Variants in RALYL observed in about 807,000 individuals in gnomAD.
RALYL encodes the protein RNA-binding Raly-like protein.
In RALYL, 29 loss-of-function variants were observed where a neutral mutation model predicts 35.1. The ratio of observed to expected loss-of-function variants is 0.83; its 90% CI spans 0.61 to 1.13. RALYL has a LOEUF of 1.13. RALYL is among the 50% of genes most tolerant of loss of function. The pLI is 0.00. For missense variants in RALYL, 359 were observed against 360.4 expected (o/e 1.00, Z 0.03); for synonymous variants, 120 against 127.6 (o/e 0.94, Z 0.40).
At chr8:84,645,719 T>C (rs1022800203) in intron 2 of RALYL, among the ~76,000 whole-genome samples, 1 of 152,114 alleles carries the variant, frequency 6.6e-6, no homozygotes, top group Non-Finnish European at 1.5e-5. Flanking sequence ...AAAGGACACA[T>C]AAGTGTGTGT....
chr8:84,364,884 A>C (rs184022452), intron 1 of RALYL, among the ~76,000 whole-genome samples: 1 of 152,304 alleles, frequency 6.6e-6, no homozygotes, highest in African/African-American at 2.4e-5. Context: ...GATTTAGAAA[A>C]GTTTACCTTC....
chr8:84,366,809 G>A (rs1029698379), intron 1 of RALYL, among the ~76,000 whole-genome samples: 15 of 134,606 alleles, frequency 1.1e-4, no homozygotes, highest in Non-Finnish European at 2.2e-4. Flanking sequence ...CTGGGAGTTT[G>A]TCAGTCTGCA....
intron 1 of RALYL, among the ~76,000 whole-genome samples, chr8:84,200,127 G>T (rs140209717): frequency 6.6e-6 from 1 of 151,984 alleles, no homozygotes; most frequent in East Asian, 1.9e-4. Flanking sequence ...GCTTTTACTC[G>T]TTTGAGCTTC....
intron 1 of RALYL, among the ~76,000 whole-genome samples, chr8:84,223,871 A>C (rs1305418977): frequency 6.6e-6 from 1 of 152,206 alleles, no homozygotes; most frequent in Non-Finnish European, 1.5e-5. Flanking sequence ...GAGTGTTATG[A>C]ATTAAATTAT....
At chr8:84,489,894 T>C (rs2134016179) in intron 1 of RALYL, among the ~76,000 whole-genome samples, 1 of 152,154 alleles carries the variant, frequency 6.6e-6, no homozygotes, top group East Asian at 1.9e-4. Flanking sequence ...CATATTTTTG[T>C]TTTAAAGTGT....
chr8:84,596,295 C>T (rs1039730563), intron 2 of RALYL, among the ~76,000 whole-genome samples: 4 of 152,000 alleles, frequency 2.6e-5, no homozygotes, highest in Admixed American at 6.6e-5. Flanking sequence ...TCAGTTGGTC[C>T]ATATTTTAGC....
At chr8:84,367,318 ATTTTTTTTTTTTTTTTTTTTTTT>A (rs56387511) in intron 1 of RALYL, among the ~76,000 whole-genome samples, 9,348 of 27,398 alleles carry the variant, frequency 0.34, 2,343 homozygotes, top group African/African-American at 0.52. Context: ...TAATTTTTGT[ATTTTTTTTTTTTTTTTTTTTTTT>A]TTTTTTTTTT....
chr8:84,396,332 A>C (rs73300785), intron 1 of RALYL, among the ~76,000 whole-genome samples: 4,310 of 152,210 alleles, frequency 0.028, 200 homozygotes, highest in African/African-American at 0.098. Flanking sequence ...CCTAAAAGAT[A>C]ATTTATATAG....
chr8:84,355,814 T>A (rs1851713934), intron 1 of RALYL, among the ~76,000 whole-genome samples: 1 of 150,170 alleles, frequency 6.7e-6, no homozygotes, highest in South Asian at 2.1e-4. Flanking sequence ...GAGGTAGTGA[T>A]AAAGGTGACT....
chr8:84,849,651 C>A (rs1286319848), intron 4 of RALYL, among the ~76,000 whole-genome samples: 3 of 151,780 alleles, frequency 2.0e-5, no homozygotes, highest in Admixed American at 6.6e-5. Context: ...CTCCGCCTCC[C>A]GGGTTCATGC....
At chr8:84,252,282 G>A (rs147119157) in intron 1 of RALYL, among the ~76,000 whole-genome samples, 5 of 152,112 alleles carry the variant, frequency 3.3e-5, no homozygotes, top group Non-Finnish European at 7.4e-5. Context: ...TTTATAGGTA[G>A]CCAGTGCTCA....
At chr8:84,553,743 T>C (rs183143696) in intron 2 of RALYL, among the ~76,000 whole-genome samples, 8 of 152,276 alleles carry the variant, frequency 5.3e-5, no homozygotes, top group African/African-American at 9.6e-5. Flanking sequence ...TTATTAAATA[T>C]CCAAAGTAAA....
At chr8:84,553,654 A>G (rs1247815650) in intron 2 of RALYL, among the ~76,000 whole-genome samples, 1 of 152,210 alleles carries the variant, frequency 6.6e-6, no homozygotes, top group African/African-American at 2.4e-5. Context: ...TATTTCTAAA[A>G]GAATATCTAT....
At chr8:84,626,012 G>A (rs1822635532) in intron 2 of RALYL, among the ~76,000 whole-genome samples, 1 of 151,538 alleles carries the variant, frequency 6.6e-6, no homozygotes, top group South Asian at 2.1e-4. Flanking sequence ...AGTAAAATAT[G>A]ACAAAAATAT....
At chr8:84,633,377 A>G (rs766052558) in intron 2 of RALYL, among the ~76,000 whole-genome samples, 1 of 151,868 alleles carries the variant, frequency 6.6e-6, no homozygotes, top group Non-Finnish European at 1.5e-5. Context: ...TTCCCCCCTG[A>G]CTTTAAAAAA....
rs563208543 is a variant in RALYL at position 84,883,272 on chromosome 8, G to A, written c.686-4332G>A. On this transcript the variant is annotated intron_variant, in intron 7 of 8. Transcript: ENST00000521268. ...TATACCACTGCCTTTGAAATACATCGTCAGAATCACATGTATATTGTATGT... is the reference window on the plus strand; with the variant it reads ...TATACCACTGCCTTTGAAATACATCATCAGAATCACATGTATATTGTATGT... 2.3e-4 allele frequency among the ~76,000 whole-genome samples: 35 copies of A among 151,938 alleles called. 1 individual carries two copies. The highest frequency in any genetic ancestry group is 1.7e-3 in the South Asian group (8 of 4,818).
rs143415777 is a variant in RALYL at position 84,866,683 on chromosome 8, G to C, written c.571+4230G>C. 2.3e-3 allele frequency among the ~76,000 whole-genome samples: 356 copies of C among 151,940 alleles called. 3 individuals are homozygous for C. The highest frequency in any genetic ancestry group is 8.2e-3 in the African/African-American group (339 of 41,446). The stretch of plus-strand genomic sequence containing the variant: ...CATGTAGAGCTCTTAGAACAGTGTC[G>C]GCTAATATAAAAGCCTTAATAGATA... On this transcript the variant is annotated intron_variant, in intron 6 of 8. Coordinates refer to ENST00000521268, the MANE Select transcript of RALYL (RefSeq NM_173848.7).
At chr8:84,486,745 G>T (rs1308271309) in intron 1 of RALYL, among the ~76,000 whole-genome samples, 1 of 151,814 alleles carries the variant, frequency 6.6e-6, no homozygotes, top group African/African-American at 2.4e-5. Flanking sequence ...AATAAATTTT[G>T]TTTTCTTTTT....
chr8:84,535,301 A>G (rs897734251), intron 2 of RALYL, among the ~76,000 whole-genome samples: 1 of 152,204 alleles, frequency 6.6e-6, no homozygotes, highest in African/African-American at 2.4e-5. Flanking sequence ...CCAGAAATTT[A>G]TTCCATTTCA....
Sources: gnomAD v4.1 joint callset for allele counts (sites outside exome capture counted in the v4.1 genomes callset) on GRCh38, gnomAD v4.1.1 for gene constraint, MANE v1.5 for transcripts, NCBI Gene and HGNC (gene_info 2026-07-23, HGNC 2026-07-21) for gene names.